The following HSF2 variants were observed in gnomAD, a reference collection of about 807,000 sequenced individuals.
HSF2 encodes heat shock factor protein 2.
HSF2 carries 21 observed loss-of-function variants against 65.0 expected under a neutral mutation model. The observed-to-expected ratio is 0.32, with a 90% CI of 0.23 to 0.47. The LOEUF (loss-of-function observed/expected upper bound fraction) is 0.47, where lower values mean the gene tolerates loss of function less well. HSF2 is among the 20% of genes least tolerant of loss of function. HSF2 has a pLI of 1.00. For synonymous variants in HSF2, 225 were observed against 219.1 expected (o/e 1.03, Z -0.24); for missense variants, 499 against 628.1 (o/e 0.79, Z 2.20).
intron 1 of HSF2, among the ~76,000 whole-genome samples, chr6:122,408,848 ATTTTTTT>A (rs372791560): frequency 9.2e-5 from 13 of 141,048 alleles, no homozygotes; most frequent in African/African-American, 3.4e-4. Context: ...TTTTAACTTC[ATTTTTTT>A]TTTTTTTTTG....
chr6:122,406,463 T>A (rs577564437), intron 1 of HSF2, among the ~76,000 whole-genome samples: 18 of 152,142 alleles, frequency 1.2e-4, no homozygotes, highest in Non-Finnish European at 2.4e-4. Context: ...GGGCCCTAGA[T>A]CTATAGTAAG....
Position 122,431,490 on chromosome 6 carries a change from G to T in HSF2, c.1291G>T (p.Gly431Ter). Residue 431 changes from glycine (G) to a stop codon, truncating the protein, a stop_gained, in exon 12 of 13, where the codon GGA becomes TGA. Transcript: ENST00000368455. LOFTEE classifies it high-confidence loss of function. ...NNVVQPVSEE[G>*]RKSKSKPDKQ... ...TGTAGTTCAGCCAGTTTCGGAAGAGGGAAGAAAATCTAAATCCAAACCAGG... is the reference window on the plus strand; with the variant it reads ...TGTAGTTCAGCCAGTTTCGGAAGAGTGAAGAAAATCTAAATCCAAACCAGG... 1 of 1,588,570 alleles carries T rather than the reference G, an allele frequency of 6.3e-7. No homozygotes were observed. Among genetic ancestry groups the T allele is most frequent in the Non-Finnish European group, 8.6e-7 (1 of 1,162,568 alleles).
Position 122,427,900 on chromosome 6 carries a change from C to G in HSF2, c.1177-3C>G, listed in dbSNP as rs752285028. ...TTATCATCTTTCTTGTTTGGTCTTTCAGCTTTTCACTAGTTCTGTGCAGAT... is the reference window on the plus strand; with the variant it reads ...TTATCATCTTTCTTGTTTGGTCTTTGAGCTTTTCACTAGTTCTGTGCAGAT... On this transcript the variant is annotated splice_polypyrimidine_tract_variant and splice_region_variant and intron_variant, in intron 10 of 12. Transcript: ENST00000368455. The G allele has an allele frequency of 6.3e-7, 1 of 1,587,798 alleles. No homozygotes were observed. Among genetic ancestry groups the G allele is most frequent in the Admixed American group, 1.7e-5 (1 of 57,302 alleles).
chr6:122,417,298 T>C (rs1326430374), intron 5 of HSF2, among the ~76,000 whole-genome samples: 1 of 152,182 alleles, frequency 6.6e-6, no homozygotes, highest in Non-Finnish European at 1.5e-5. Flanking sequence ...AAACAATAGA[T>C]GTACCTTAAC....
intron 4 of HSF2, among the ~76,000 whole-genome samples, chr6:122,415,971 C>T (rs527948178): frequency 2.6e-5 from 4 of 151,888 alleles, no homozygotes; most frequent in South Asian, 2.1e-4. Context: ...GAGCCGAGAT[C>T]GTACCACTGC....
Position 122,432,050 on chromosome 6 carries a change from A to C in HSF2, c.1441A>C (p.Ile481Leu). Residue 481 changes from isoleucine to leucine, a missense_variant, in exon 13 of 13, where the codon ATA becomes CTA. By Grantham distance (5) the Ile-to-Leu change is conservative (BLOSUM62 2). Transcript: ENST00000368455. ...SEVLSSVDKP[I>L]EVDELLDSSL... ...AGTTTTGTCCTCTGTAGATAAACCC[A>C]TAGAAGTTGATGAGCTTCTGGATAG... The C allele has an allele frequency of 6.2e-7, 1 of 1,614,156 alleles. No individual in the cohort carries two copies. The highest frequency in any genetic ancestry group is 8.5e-7 in the Non-Finnish European group (1 of 1,179,996).
In HSF2 at chr6:122,428,228, G is replaced by T. The variant is rs1217469676; in HGVS notation, c.1230+272G>T. 2.0e-5 allele frequency among the ~76,000 whole-genome samples: 3 copies of T among 152,036 alleles called. No homozygotes were observed. The East Asian group carries it at 5.8e-4, about 29-fold the overall frequency. On this transcript the variant is annotated intron_variant, in intron 11 of 12. Transcript: ENST00000368455. ...ATCACCTGACTAAACTTGGTATATT[G>T]AAACCAATAACTAAAATATGATTTC...
rs1773672003 is a variant in HSF2 at position 122,399,730 on chromosome 6, CGTTAACAATGAA to C, written c.-6_6del. On this transcript the variant is annotated start_lost and 5_prime_UTR_variant, in exon 1 of 13. Transcript: ENST00000368455. ...TGTAGAATTTGGAATCCCTGCGCCGCGTTAACAATGAAGCAGAGTTCGAACGTGCCGGCTTTC... is the reference window on the plus strand; with the variant it reads ...TGTAGAATTTGGAATCCCTGCGCCGCGCAGAGTTCGAACGTGCCGGCTTTC... 6.2e-7 allele frequency: 1 copy of C among 1,608,662 alleles called. No individual in the cohort carries two copies. Among genetic ancestry groups the C allele is most frequent in the African/African-American group, 1.3e-5 (1 of 74,412 alleles).
intron 1 of HSF2, among the ~76,000 whole-genome samples, chr6:122,404,325 A>G (rs1163910067): frequency 6.6e-6 from 1 of 152,230 alleles, no homozygotes; most frequent in Non-Finnish European, 1.5e-5. Context: ...AGTATTTCAA[A>G]GTGAAAATAA....
chr6:122,423,573 T>A lies in HSF2; in HGVS notation c.1071-8T>A. On this transcript the variant is annotated splice_polypyrimidine_tract_variant and splice_region_variant and intron_variant, in intron 9 of 12. Coordinates refer to ENST00000368455, the MANE Select transcript of HSF2 (RefSeq NM_004506.4). ...AATATTTGATTAAAAAAATTTTTTT[T>A]TCCTTAGGGTTGAGCTGTTGGATTA... 1.3e-6 allele frequency: 2 copies of A among 1,539,444 alleles called. No homozygotes were observed. Among genetic ancestry groups the A allele is most frequent in the Non-Finnish European group, 1.8e-6 (2 of 1,139,604 alleles).
intron 10 of HSF2, among the ~76,000 whole-genome samples, chr6:122,426,081 A>C (rs1393053371): frequency 1.3e-5 from 2 of 152,078 alleles, no homozygotes; most frequent in African/African-American, 4.8e-5. Context: ...AATAGCATTC[A>C]CAAGCCATCC....
intron 10 of HSF2, 121 bp downstream of exon 10, chr6:122,423,807 TTAA>T: frequency 2.0e-6 from 1 of 498,684 alleles, no homozygotes; most frequent in Non-Finnish European, 3.5e-6. Flanking sequence ...CTTTTTTAAA[TTAA>T]TAATTTTGTT....
chr6:122,427,719 C>T (rs913794796), intron 10 of HSF2, among the ~76,000 whole-genome samples, 184 bp from the exon 11 acceptor site: 5 of 152,010 alleles, frequency 3.3e-5, no homozygotes, highest in Admixed American at 1.3e-4. Context: ...AATGCATGGG[C>T]TAGCTTGTTC....
At position 122,418,400 on chromosome 6, in the gene HSF2, A is replaced by G. The variant is rs45438098; in HGVS notation, c.532-768A>G. Among the ~76,000 whole-genome samples the G allele has an allele frequency of 7.9e-5, 12 of 152,292 alleles. No individual in the cohort carries two copies. In the East Asian group the frequency reaches 2.3e-3, roughly 29 times the overall value. On this transcript the variant is annotated intron_variant, in intron 5 of 12. Coordinates refer to ENST00000368455, the MANE Select transcript of HSF2 (RefSeq NM_004506.4). Reference sequence around the variant, plus strand: ...GTTCTGTAGTAGGATTGAGAATTTAACATATCCAAAGTTCCTAAGCTAGTG... The same window carrying G: ...GTTCTGTAGTAGGATTGAGAATTTAGCATATCCAAAGTTCCTAAGCTAGTG...
intron 6 of HSF2, among the ~76,000 whole-genome samples, chr6:122,419,501 A>G (rs550936462): frequency 7.2e-5 from 11 of 152,302 alleles, no homozygotes; most frequent in African/African-American, 2.6e-4. Context: ...CATTCACATT[A>G]TTAAAGTAGC....
intron 8 of HSF2, 38 bp from the exon 9 acceptor site, chr6:122,422,680 G>T: frequency 1.3e-6 from 2 of 1,598,954 alleles, no homozygotes; most frequent in South Asian, 2.2e-5. Flanking sequence ...TATTAAATTT[G>T]AAAATGTAAT....
At chr6:122,411,092 C>T (rs1274976480) in intron 1 of HSF2, among the ~76,000 whole-genome samples, 6 of 151,596 alleles carry the variant, frequency 4.0e-5, no homozygotes, top group Non-Finnish European at 7.4e-5. Flanking sequence ...ACCAATATTC[C>T]AATTTCTCCA....
intron 7 of HSF2, among the ~76,000 whole-genome samples, chr6:122,420,692 A>T (rs371562600): frequency 2.6e-4 from 9 of 34,922 alleles, no homozygotes; most frequent in Non-Finnish European, 3.9e-4. Context: ...GATTTAGTTT[A>T]TTCATTTCTT....
chr6:122,414,056 ATTTC>A (rs2114435060), intron 4 of HSF2, among the ~76,000 whole-genome samples: 1 of 152,196 alleles, frequency 6.6e-6, no homozygotes, highest in South Asian at 2.1e-4. Context: ...GTCTCTTAAG[ATTTC>A]TTTGTGTGGA....
Sources: allele counts gnomAD v4.1 joint callset (sites outside exome capture counted in the v4.1 genomes callset), GRCh38; gene constraint gnomAD v4.1.1; transcripts MANE v1.5; gene names NCBI Gene and HGNC (gene_info 2026-07-23, HGNC 2026-07-21).